Variants in TGFBR2 observed in about 807,000 individuals in gnomAD.
TGFBR2 encodes TGF-beta receptor type-2.
A neutral mutation model predicts 49.0 loss-of-function variants in TGFBR2; 18 were observed. The ratio of observed to expected loss-of-function variants is 0.37; its 90% confidence interval spans 0.25 to 0.54. The LOEUF is 0.54. TGFBR2 is among the 20% of genes least tolerant of loss of function. The probability of loss-of-function intolerance (pLI) is 0.85; values close to 1 mark genes in which losing one functional copy is unlikely to be tolerated. For synonymous variants in TGFBR2, 282 were observed against 275.9 expected (o/e 1.02, Z -0.22); for missense variants, 525 against 722.6 (o/e 0.73, Z 3.13).
At chr3:30,611,822 AGGG>A (rs1698035498) in intron 1 of TGFBR2, among the ~76,000 whole-genome samples, 3 of 152,184 alleles carry the variant, frequency 2.0e-5, no homozygotes, top group African/African-American at 7.2e-5. Context: ...AATAGGGTGC[AGGG>A]GAAACATACT....
chr3:30,683,689 A>G (rs1467150112), intron 5 of TGFBR2, among the ~76,000 whole-genome samples: 2 of 152,246 alleles, frequency 1.3e-5, no homozygotes, highest in Admixed American at 1.3e-4. Context: ...CACCATCATG[A>G]AAAATAAATA....
chr3:30,620,540 G>A (rs1351924831), intron 1 of TGFBR2, among the ~76,000 whole-genome samples: 1 of 152,060 alleles, frequency 6.6e-6, no homozygotes, highest in Non-Finnish European at 1.5e-5. Flanking sequence ...TCTGTCTGCA[G>A]TCTTTAGTTT....
At chr3:30,618,487 C>T (rs1231192082) in intron 1 of TGFBR2, among the ~76,000 whole-genome samples, 1 of 151,550 alleles carries the variant, frequency 6.6e-6, no homozygotes, top group Non-Finnish European at 1.5e-5. Context: ...CCGCCCGCCT[C>T]GGCCTCCCAA....
intron 1 of TGFBR2, among the ~76,000 whole-genome samples, chr3:30,643,231 A>T (rs1698675600): frequency 6.6e-6 from 1 of 152,352 alleles, no homozygotes; most frequent in Middle Eastern, 3.4e-3. Flanking sequence ...TCTAAGGGTT[A>T]TGCCTTGGAA....
intron 1 of TGFBR2, among the ~76,000 whole-genome samples, chr3:30,632,399 A>T (rs1003446233): frequency 1.3e-5 from 2 of 152,232 alleles, no homozygotes; most frequent in Non-Finnish European, 2.9e-5. Context: ...TATGAACAAT[A>T]TTTCAAAACC....
chr3:30,643,217 C>G (rs1053773747), intron 1 of TGFBR2, among the ~76,000 whole-genome samples: 3 of 152,188 alleles, frequency 2.0e-5, no homozygotes, highest in Admixed American at 2.0e-4. Context: ...TTTTCTTAGG[C>G]CTCTCTAAGG....
chr3:30,652,838 T>C (rs1698919806), intron 3 of TGFBR2, among the ~76,000 whole-genome samples: 1 of 152,234 alleles, frequency 6.6e-6, no homozygotes, highest in Non-Finnish European at 1.5e-5. Flanking sequence ...TATTTTATCA[T>C]TGAATATCTT....
Position 30,650,333 on chromosome 3 carries a change from T to G in TGFBR2, c.327T>G (p.His109Gln). 1 of 1,613,812 alleles carries G rather than the reference T, an allele frequency of 6.2e-7. No individual in the cohort carries two copies. The highest frequency in any genetic ancestry group is 8.5e-7 in the Non-Finnish European group (1 of 1,179,912). ...GCCATGACCCCAAGCTCCCCTACCA[T>G]GACTTTATTCTGGAAGATGCTGCTT... The part of the protein sequence containing the change: ...TVCHDPKLPY[H>Q]DFILEDAASP... Residue 109 changes from histidine to glutamine, a missense_variant, in exon 3 of 7, where the codon CAT becomes CAG. His to Gln is a conservative substitution (Grantham distance 24). Transcript: ENST00000295754.
At chr3:30,633,657 C>CACCT (rs1420381888) in intron 1 of TGFBR2, among the ~76,000 whole-genome samples, 1 of 152,140 alleles carries the variant, frequency 6.6e-6, no homozygotes, top group Non-Finnish European at 1.5e-5. Context: ...CATCTCAGCT[C>CACCT]ACAGTCAGCT....
intron 1 of TGFBR2, among the ~76,000 whole-genome samples, chr3:30,607,809 TATATTATATATATATAA>T (rs1697952755): frequency 7.1e-6 from 1 of 139,990 alleles, no homozygotes; most frequent in African/African-American, 2.8e-5. Flanking sequence ...AATATATATA[TATATTATATATATATAA>T]ATATATATAT....
intron 1 of TGFBR2, among the ~76,000 whole-genome samples, chr3:30,608,434 C>T (rs1455958593): frequency 6.6e-6 from 1 of 152,128 alleles, no homozygotes; most frequent in Non-Finnish European, 1.5e-5. Context: ...CCCCTCCTTT[C>T]CCCTGGCTCT....
At chr3:30,648,239 T>G (rs1404282162) in intron 2 of TGFBR2, among the ~76,000 whole-genome samples, 2 of 152,158 alleles carry the variant, frequency 1.3e-5, no homozygotes, top group African/African-American at 4.8e-5. Context: ...GTTAGTTCTC[T>G]CAGTAGCTAA....
chr3:30,691,486 G>A lies in TGFBR2; in HGVS notation c.1591G>A (p.Ala531Thr), dbSNP rs727503477. 1.9e-6 allele frequency: 3 copies of A among 1,614,166 alleles called. No individual in the cohort carries two copies. The highest frequency in any genetic ancestry group is 2.5e-6 in the Non-Finnish European group (3 of 1,180,014). Residue 531 changes from alanine to threonine, a missense_variant, in exon 7 of 7, where the codon GCC (alanine) becomes ACC (threonine). Physicochemically the swap from Ala to Thr is moderately conservative, Grantham distance 58. This residue lies in a region of TGFBR2 where 104 missense variants were observed against 133.4 expected (regional missense o/e 0.78). Coordinates refer to ENST00000295754, the MANE Select transcript of TGFBR2 (RefSeq NM_003242.6). ...WDHDPEARLT[A>T]QCVAERFSEL... ...CCACGACCCAGAGGCCCGTCTCACA[G>A]CCCAGTGTGTGGCAGAACGCTTCAG...
rs149325946 is a variant in TGFBR2, at chr3:30,653,209, C to A, written c.454+2749C>A. Among the ~76,000 whole-genome samples the A allele has an allele frequency of 3.3e-5, 5 of 150,740 alleles. No individual in the cohort carries two copies. The East Asian group carries it at 7.8e-4, about 24-fold the overall frequency. ...GCAACATTTTATATTCCATTTCTCC[C>A]CTTATTGCCACCATCTCTTCTTTAT... is the stretch of plus-strand genomic sequence containing the variant. On this transcript the variant is annotated intron_variant, in intron 3 of 6. Coordinates refer to ENST00000295754, the MANE Select transcript of TGFBR2 (RefSeq NM_003242.6).
chr3:30,631,143 T>C (rs113863891), intron 1 of TGFBR2, among the ~76,000 whole-genome samples: 7,339 of 151,002 alleles, frequency 0.049, 347 homozygotes, highest in East Asian at 0.26. Flanking sequence ...TGGGTTCAAG[T>C]GATTCTCCTG....
chr3:30,621,416 G>A (rs948041537), intron 1 of TGFBR2, among the ~76,000 whole-genome samples: 1 of 151,568 alleles, frequency 6.6e-6, no homozygotes, highest in Admixed American at 6.6e-5. Flanking sequence ...GAGTAGCTGG[G>A]ATTGTAGGTG....
chr3:30,624,057 C>T (rs1410294589), intron 1 of TGFBR2, among the ~76,000 whole-genome samples: 6 of 151,992 alleles, frequency 3.9e-5, no homozygotes, highest in African/African-American at 1.5e-4. Flanking sequence ...GCAGGAGAAT[C>T]GCTTGAACCC....
At chr3:30,614,115 C>CTTTTTTTTTTTTTTTTTTTTT (rs5847643) in intron 1 of TGFBR2, among the ~76,000 whole-genome samples, 5 of 120,630 alleles carry the variant, frequency 4.1e-5, no homozygotes, top group East Asian at 2.4e-4. Context: ...TTTTTCTTTC[C>CTTTTTTTTTTTTTTTTTTTTT]TTTTTTTTTT....
At chr3:30,617,536 A>G (rs1211567725) in intron 1 of TGFBR2, among the ~76,000 whole-genome samples, 1 of 152,146 alleles carries the variant, frequency 6.6e-6, no homozygotes, top group Non-Finnish European at 1.5e-5. Flanking sequence ...TCTTACTTTT[A>G]TTTTTATAAT....
Sources: allele counts gnomAD v4.1 joint callset (sites outside exome capture counted in the v4.1 genomes callset), GRCh38; gene constraint gnomAD v4.1.1; regional missense constraint gnomAD v4.1.1; transcripts MANE v1.5; gene names NCBI Gene and HGNC (gene_info 2026-07-23, HGNC 2026-07-21).